SULT2B1: variants seen among roughly 807,000 people sequenced by gnomAD.
The protein encoded by SULT2B1 is sulfotransferase family 2B member 1, also known as sulfotransferase 2B1.
SULT2B1 carries 16 observed loss-of-function variants against 33.2 expected under a neutral mutation model. The observed-to-expected ratio is 0.48, with a 90% CI of 0.33 to 0.73. The LOEUF is 0.73. Among genes scored for constraint, SULT2B1 ranks in the 30% least tolerant of loss-of-function variants. SULT2B1 has a pLI of 0.02. For missense variants in SULT2B1, 500 were observed against 506.0 expected, an observed-to-expected ratio of 0.99 and a Z score of 0.11; for synonymous variants, 186 against 200.5, an observed-to-expected ratio of 0.93 and a Z score of 0.61.
At chr19:48,588,512 CAA>C (rs60798824) in intron 3 of SULT2B1, among the ~76,000 whole-genome samples, 1 of 139,800 alleles carries the variant, frequency 7.2e-6, no homozygotes, top group African/African-American at 2.6e-5. Flanking sequence ...AACTCCGTCT[CAA>C]AAAAAAAACC....
Position 48,586,330 on chromosome 19 carries a change from C to A in SULT2B1, c.215-899C>A, listed in dbSNP as rs139859027. Reference sequence around the variant, plus strand: ...TTTTTCCTATAAACTGTAGTTGGTGCAGGAAGGGTGGAAGGAAGTTGGTGG... The same window carrying A: ...TTTTTCCTATAAACTGTAGTTGGTGAAGGAAGGGTGGAAGGAAGTTGGTGG... On this transcript the variant is annotated intron_variant, in intron 2 of 6. Coordinates refer to ENST00000201586, the MANE Select transcript of SULT2B1 (RefSeq NM_177973.2). Among the ~76,000 whole-genome samples the A allele has an allele frequency of 4.7e-3, 714 of 152,288 alleles. 3 individuals carry two copies. The highest frequency in any genetic ancestry group is 0.016 in the African/African-American group (667 of 41,566).
At chr19:48,563,381 T>C (rs1204385032) in intron 1 of SULT2B1, among the ~76,000 whole-genome samples, 1 of 152,184 alleles carries the variant, frequency 6.6e-6, no homozygotes, top group Non-Finnish European at 1.5e-5. Flanking sequence ...AGTAATAGCC[T>C]GACCTGGAAA....
chr19:48,596,964 CT>C (rs747388263), intron 6 of SULT2B1, 45 bp downstream of exon 6: 4 of 1,511,394 alleles, frequency 2.6e-6, no homozygotes, highest in Non-Finnish European at 3.5e-6. Flanking sequence ...CACTGCCCGG[CT>C]GTGTGACCTG....
At chr19:48,586,359 G>T (rs992466125) in intron 2 of SULT2B1, among the ~76,000 whole-genome samples, 2 of 152,190 alleles carry the variant, frequency 1.3e-5, no homozygotes, top group Non-Finnish European at 2.9e-5. Flanking sequence ...TTGGTGGGGG[G>T]ATATCCATGC....
chr19:48,568,700 G>A lies in SULT2B1; in HGVS notation c.72-7241G>A, dbSNP rs969537435. Among the ~76,000 whole-genome samples, 13 of 152,288 alleles carry A rather than the reference G, an allele frequency of 8.5e-5. No homozygotes were observed. In the East Asian group the frequency reaches 1.7e-3, roughly 20 times the overall value. On this transcript the variant is annotated intron_variant, in intron 1 of 6. Coordinates refer to ENST00000201586, the MANE Select transcript of SULT2B1 (RefSeq NM_177973.2). ...GAACCCAGCTCAGGCTGGTGGTGGG[G>A]GAGTCTTGGCAATGCTCTCTCTCCA...
rs558429244 is a variant in SULT2B1, at chr19:48,587,364, A to C, written c.350A>C (p.Tyr117Ser). Residue 117 changes from tyrosine (Y) to serine (S), a missense_variant, in exon 3 of 7, where the codon TAC becomes TCC. Physicochemically the swap from Tyr to Ser is moderately radical, Grantham distance 144. Transcript: ENST00000201586. Reference protein sequence around the residue: ...IVGAFSLPDQYSPRLMSSHLP... With the variant: ...IVGAFSLPDQSSPRLMSSHLP... ...GGTGCCTTCAGCCTCCCGGACCAGT[A>C]CAGCCCCCGCCTCATGAGCTCCCAT... 64 of 1,613,954 alleles carry C rather than the reference A, an allele frequency of 4.0e-5. No individual in the cohort carries two copies. The East Asian group carries it at 1.2e-3, about 29-fold the overall frequency.
chr19:48,552,232 C>T lies in SULT2B1; in HGVS notation c.-21C>T, dbSNP rs16982137. 5.1e-3 allele frequency: 8,218 copies of T among 1,612,530 alleles called. 35 individuals are homozygous for T. Among genetic ancestry groups the T allele is most frequent in the Non-Finnish European group, 5.6e-3 (6,661 of 1,179,160 alleles). ...GCCTGCTCCCTGCTCGTCCTCCCCT[C>T]CCCACCCTCACCCACCTGCCATGGA... On this transcript the variant is annotated 5_prime_UTR_variant, in exon 1 of 7. Transcript: ENST00000201586. The surrounding 1 kb of genome is among the most constrained non-coding windows in gnomAD (Gnocchi z 4.8).
intron 1 of SULT2B1, among the ~76,000 whole-genome samples, chr19:48,555,941 T>C (rs28366580): frequency 0.044 from 6,663 of 152,182 alleles, 436 homozygotes; most frequent in African/African-American, 0.14. Context: ...GGTTTCACCA[T>C]GTTGGCCAGG....
intron 1 of SULT2B1, among the ~76,000 whole-genome samples, chr19:48,569,472 C>T (rs1344929039): frequency 6.7e-6 from 1 of 149,714 alleles, no homozygotes; most frequent in African/African-American, 2.4e-5. Context: ...GTAATCCCAG[C>T]ACTTTAGGAG....
intron 2 of SULT2B1, among the ~76,000 whole-genome samples, chr19:48,581,472 G>GTTTCT (rs1973486106): frequency 8.4e-6 from 1 of 118,912 alleles, no homozygotes; most frequent in Non-Finnish European, 1.6e-5. Context: ...AGATTTGAGA[G>GTTTCT]TTTTTTTTTT....
intron 1 of SULT2B1, among the ~76,000 whole-genome samples, chr19:48,556,097 C>G (rs1973096839): frequency 6.6e-6 from 1 of 152,164 alleles, no homozygotes; most frequent in Non-Finnish European, 1.5e-5. Flanking sequence ...TTTGCGTGCA[C>G]CAGCGCAGTG....
At chr19:48,574,440 A>T (rs903863037) in intron 1 of SULT2B1, among the ~76,000 whole-genome samples, 20 of 152,178 alleles carry the variant, frequency 1.3e-4, no homozygotes, top group African/African-American at 4.3e-4. Flanking sequence ...TCATTCATTT[A>T]TTCCTTCAGG....
intron 5 of SULT2B1, among the ~76,000 whole-genome samples, chr19:48,594,506 A>T (rs1466832098): frequency 6.6e-6 from 1 of 152,144 alleles, no homozygotes; most frequent in Non-Finnish European, 1.5e-5. Context: ...TCCAGCAAGC[A>T]TTCTTCTCCA....
In SULT2B1 at chr19:48,557,775, C is replaced by A. The variant is rs539538865; in HGVS notation, c.71+5452C>A. ...CTACTAAAAATAGAAAAAAGTCAGC[C>A]GGGCATGGTGGTGCATGCCTGTAAT... On this transcript the variant is annotated intron_variant, in intron 1 of 6. Coordinates refer to ENST00000201586, the MANE Select transcript of SULT2B1 (RefSeq NM_177973.2). 4.0e-5 allele frequency among the ~76,000 whole-genome samples: 6 copies of A among 151,560 alleles called. No individual in the cohort carries two copies. In the South Asian group the frequency reaches 1.3e-3, roughly 32 times the overall value.
intron 1 of SULT2B1, among the ~76,000 whole-genome samples, chr19:48,568,115 A>G (rs1189719734): frequency 6.6e-6 from 1 of 151,868 alleles, no homozygotes; most frequent in Admixed American, 6.6e-5. Flanking sequence ...TCTACAAAAA[A>G]TTTAAGAATT....
chr19:48,566,601 G>A (rs1973245621), intron 1 of SULT2B1, among the ~76,000 whole-genome samples: 1 of 152,094 alleles, frequency 6.6e-6, no homozygotes, highest in Non-Finnish European at 1.5e-5. Flanking sequence ...TAGCATTTTG[G>A]GAGACTGAGG....
chr19:48,572,609 T>A (rs1973346033), intron 1 of SULT2B1, among the ~76,000 whole-genome samples: 1 of 152,074 alleles, frequency 6.6e-6, no homozygotes, highest in East Asian at 1.9e-4. Flanking sequence ...TGGGCGTGCC[T>A]GGAGCTGGTG....
intron 2 of SULT2B1, among the ~76,000 whole-genome samples, chr19:48,580,236 A>G (rs6509396): frequency 0.51 from 76,985 of 151,540 alleles, 20,546 homozygotes; most frequent in South Asian, 0.63. Flanking sequence ...TGGGCCCTGC[A>G]CACAAGTTCT....
At chr19:48,581,581 C>A (rs1973488710) in intron 2 of SULT2B1, among the ~76,000 whole-genome samples, 1 of 150,236 alleles carries the variant, frequency 6.7e-6, no homozygotes, top group Admixed American at 6.7e-5. Context: ...CCTCAGCCTC[C>A]CGAGTAGCTG....
Sources: allele counts gnomAD v4.1 joint callset (sites outside exome capture counted in the v4.1 genomes callset), GRCh38; gene constraint gnomAD v4.1.1; non-coding constraint Gnocchi (gnomAD v3.1); transcripts MANE v1.5; gene names NCBI Gene and HGNC (gene_info 2026-07-23, HGNC 2026-07-21).